The following FOXN3 variants were observed in gnomAD, a reference collection of about 807,000 sequenced individuals.
FOXN3 encodes forkhead box protein N3.
In FOXN3, 7 loss-of-function variants were observed where a neutral mutation model predicts 38.4. The observed-to-expected ratio is 0.18, with a 90% CI of 0.10 to 0.34. The LOEUF (loss-of-function observed/expected upper bound fraction) is 0.34, where lower values mean the gene tolerates loss of function less well. Among genes scored for constraint, FOXN3 ranks in the 10% least tolerant of loss-of-function variants. The pLI is 1.00. For synonymous variants in FOXN3, 230 were observed against 242.2 expected, an observed-to-expected ratio of 0.95 and a Z score of 0.47; for missense variants, 456 against 613.4, an observed-to-expected ratio of 0.74 and a Z score of 2.71.
intron 1 of FOXN3, among the ~76,000 whole-genome samples, chr14:89,413,952 G>A (rs1281237035): frequency 3.6e-5 from 5 of 138,514 alleles, no homozygotes; most frequent in Non-Finnish European, 6.2e-5. Flanking sequence ...AGAAGGGGGA[G>A]GAGGAGGAGG....
At chr14:89,334,318 T>C (rs996840772) in intron 3 of FOXN3, among the ~76,000 whole-genome samples, 2 of 151,020 alleles carry the variant, frequency 1.3e-5, no homozygotes, top group African/African-American at 4.9e-5. Flanking sequence ...AGTTATAAAA[T>C]GAGTAAGTTG....
At chr14:89,363,956 A>ATATATATATATATAT (rs1889998301) in intron 2 of FOXN3, among the ~76,000 whole-genome samples, 1 of 2,840 alleles carries the variant, frequency 3.5e-4, no homozygotes, top group African/African-American at 4.4e-4. Context: ...AAATATATAT[A>ATATATATATATATAT]TATATATATA....
intron 2 of FOXN3, among the ~76,000 whole-genome samples, chr14:89,376,078 T>A (rs1452295720): frequency 6.6e-6 from 1 of 152,180 alleles, no homozygotes; most frequent in Non-Finnish European, 1.5e-5. Flanking sequence ...CCACCACACC[T>A]GGCCTCCAGT....
chr14:89,459,435 G>A (rs540679126), intron 1 of FOXN3, among the ~76,000 whole-genome samples: 10 of 152,250 alleles, frequency 6.6e-5, no homozygotes, highest in Non-Finnish European at 1.3e-4. Flanking sequence ...ATTAGAAGGA[G>A]GTTTAGGATC....
intron 5 of FOXN3, among the ~76,000 whole-genome samples, chr14:89,180,233 C>T (rs1490237962): frequency 3.9e-5 from 6 of 152,124 alleles, no homozygotes; most frequent in Non-Finnish European, 8.8e-5. Context: ...ATTTATAGAC[C>T]ACGTACCAAA....
chr14:89,338,548 C>A (rs1476364666), intron 3 of FOXN3, among the ~76,000 whole-genome samples: 1 of 152,192 alleles, frequency 6.6e-6, no homozygotes, highest in East Asian at 1.9e-4. Context: ...AATCCCAGCA[C>A]TTTGGGAGGC....
At chr14:89,498,214 T>C (rs986529160) in intron 1 of FOXN3, among the ~76,000 whole-genome samples, 1 of 79,280 alleles carries the variant, frequency 1.3e-5, no homozygotes, top group Non-Finnish European at 3.3e-5. Flanking sequence ...CTCTCTCTTT[T>C]TTTTTTTTTT....
intron 1 of FOXN3, among the ~76,000 whole-genome samples, chr14:89,605,586 AATT>A (rs1896256254): frequency 6.6e-6 from 1 of 152,184 alleles, no homozygotes; most frequent in Non-Finnish European, 1.5e-5. Flanking sequence ...GTTAAAAGAC[AATT>A]ATTTTCAGAC....
At chr14:89,253,181 C>A (rs910608880) in intron 4 of FOXN3, among the ~76,000 whole-genome samples, 2 of 152,186 alleles carry the variant, frequency 1.3e-5, no homozygotes. Flanking sequence ...AAACAGCCTG[C>A]ACCTGGGGAG....
At chr14:89,207,751 T>TG (rs1185744452) in intron 4 of FOXN3, among the ~76,000 whole-genome samples, 1 of 152,198 alleles carries the variant, frequency 6.6e-6, no homozygotes, top group African/African-American at 2.4e-5. Flanking sequence ...AGATGTGGAA[T>TG]GTACCCTTTG....
intron 1 of FOXN3, among the ~76,000 whole-genome samples, chr14:89,524,383 AAAAAAAAAAAAAAAAAAAAAG>A (rs1257834624): frequency 4.3e-4 from 46 of 108,142 alleles, no homozygotes; most frequent in African/African-American, 1.9e-3. Flanking sequence ...AAAAAAAAAA[AAAAAAAAAAAAAAAAAAAAAG>A]AAAGAAAGAA....
chr14:89,185,900 G>T (rs539069517), intron 4 of FOXN3: 1 of 152,330 alleles, frequency 6.6e-6, no homozygotes, highest in East Asian at 1.9e-4. Context: ...GTTCTAAATG[G>T]GATAACGCAA....
intron 1 of FOXN3, among the ~76,000 whole-genome samples, chr14:89,598,907 G>A (rs1336228691): frequency 2.0e-5 from 3 of 152,096 alleles, no homozygotes; most frequent in African/African-American, 4.8e-5. Flanking sequence ...CCTGCTTGGT[G>A]CCCTAGGGCT....
intron 4 of FOXN3, among the ~76,000 whole-genome samples, chr14:89,256,321 T>C (rs972161753): frequency 2.0e-5 from 3 of 152,174 alleles, no homozygotes; most frequent in Admixed American, 2.0e-4. Context: ...ACCATGTCAC[T>C]GGCAATCAGA....
chr14:89,531,943 C>G (rs191272827), intron 1 of FOXN3, among the ~76,000 whole-genome samples: 2 of 152,266 alleles, frequency 1.3e-5, no homozygotes, highest in African/African-American at 2.4e-5. Flanking sequence ...TGAGTAGCTA[C>G]GACTACAGGC....
intron 4 of FOXN3, among the ~76,000 whole-genome samples, chr14:89,266,965 A>G (rs1222293060): frequency 6.6e-6 from 1 of 152,218 alleles, no homozygotes; most frequent in Non-Finnish European, 1.5e-5. Context: ...CAATGCACAG[A>G]CAGCACTTGA....
Position 89,162,825 on chromosome 14 carries a change from G to A in FOXN3, c.996C>T (p.Ser332=), listed in dbSNP as rs1887140382. 6.2e-7 allele frequency: 1 copy of A among 1,612,226 alleles called. No individual in the cohort carries two copies. The highest frequency in any genetic ancestry group is 8.5e-7 in the Non-Finnish European group (1 of 1,179,982). ...NARSTSPTSD[S]ISSSSSSADD... is the part of the protein sequence containing the mutation. ...CGGCTGAGGAGGAGGAGGAGGAGAT[G>A]GAGTCGCTGGTGGGCGAGGTGCTCC... Residue 332 remains serine (S), a synonymous_variant, in exon 6 of 6, where the codon TCC becomes TCT. Transcript: ENST00000557258. The surrounding 1 kb of genome is among the most constrained non-coding windows in gnomAD (Gnocchi z 7.2).
intron 1 of FOXN3, among the ~76,000 whole-genome samples, chr14:89,529,572 A>G (rs1404737930): frequency 3.9e-5 from 6 of 152,228 alleles, no homozygotes; most frequent in Non-Finnish European, 5.9e-5. Flanking sequence ...TTAAGGAAGC[A>G]GTGCCTAAGA....
rs1484390398 is a variant in FOXN3 at position 89,548,028 on chromosome 14, G to GA, written c.-15+70999dup. Among the ~76,000 whole-genome samples, 3 of 152,138 alleles carry GA rather than the reference G, an allele frequency of 2.0e-5. No homozygotes were observed. The highest frequency in any genetic ancestry group is 4.4e-5 in the Non-Finnish European group (3 of 68,016). ...AGGTGGAAGGGGGAACTGGCAAAGG[G>GA]AAAATACTTTCTCTTGTTCAAAGAC... On this transcript the variant is annotated intron_variant, in intron 1 of 6. Coordinates refer to the FOXN3 transcript ENST00000345097. This position sits in a 1 kb window ranked among gnomAD's most constrained non-coding sequence, Gnocchi z 4.8.
Sources: gnomAD v4.1 joint callset for allele counts (sites outside exome capture counted in the v4.1 genomes callset) on GRCh38, gnomAD v4.1.1 for gene constraint, Gnocchi (gnomAD v3.1) non-coding constraint, MANE v1.5 for transcripts, NCBI Gene and HGNC (gene_info 2026-07-23, HGNC 2026-07-21) for gene names.